MAGI2: variants seen among roughly 807,000 people sequenced by gnomAD.
MAGI2 encodes membrane associated guanylate kinase, WW and PDZ domain containing 2.
In MAGI2, 35 loss-of-function variants were observed where a neutral mutation model predicts 133.3. The observed-to-expected ratio is 0.26, with a 90% CI of 0.20 to 0.35. The LOEUF (loss-of-function observed/expected upper bound fraction) is 0.35, where lower values mean the gene tolerates loss of function less well. MAGI2 is among the 10% of genes least tolerant of loss of function. The pLI is 1.00. For synonymous variants in MAGI2, 729 were observed against 710.6 expected, an observed-to-expected ratio of 1.03 and a Z score of -0.41; for missense variants, 1,636 against 1,863.4, an observed-to-expected ratio of 0.88 and a Z score of 2.25.
Position 78,358,486 on chromosome 7 carries a change from T to A in MAGI2, c.1103+10670A>T, listed in dbSNP as rs892220563. On this transcript the variant is annotated intron_variant, in intron 7 of 21. Coordinates refer to ENST00000354212, the MANE Select transcript of MAGI2 (RefSeq NM_012301.4). ...TCTGCAAGCAGATGAGCACCAACCC[T>A]TCCCAAGGCCCACCCGCCCCGCCAT... 4 of 155,570 alleles carry A rather than the reference T, an allele frequency of 2.6e-5. No homozygotes were observed. The Admixed American group carries it at 2.6e-4, about 10-fold the overall frequency. The allele number at this position is 155,570 out of a possible 1,614,324, so 9.6% of individuals were successfully genotyped here. A position where few individuals can be genotyped will look rare whatever the true frequency, so the allele number is the denominator to read the frequency against.
intron 1 of MAGI2, among the ~76,000 whole-genome samples, chr7:79,404,959 G>T (rs535442219): frequency 1.6e-4 from 24 of 152,222 alleles, no homozygotes; most frequent in African/African-American, 5.5e-4. Flanking sequence ...GGTCATGCAG[G>T]CTCAGGTGCC....
chr7:78,664,699 G>A (rs975617214), intron 2 of MAGI2, among the ~76,000 whole-genome samples: 24 of 143,126 alleles, frequency 1.7e-4, no homozygotes, highest in Admixed American at 4.3e-4. Flanking sequence ...ATAAAAAATA[G>A]CAAAGTATAT....
chr7:78,275,946 A>T (rs148545601), intron 9 of MAGI2, among the ~76,000 whole-genome samples: 1 of 152,304 alleles, frequency 6.6e-6, no homozygotes, highest in East Asian at 1.9e-4. Context: ...TTACACAGAC[A>T]TGCTAACTTT....
intron 2 of MAGI2, among the ~76,000 whole-genome samples, chr7:78,997,632 C>T (rs1348749524): frequency 2.0e-5 from 3 of 150,564 alleles, no homozygotes; most frequent in East Asian, 2.0e-4. Flanking sequence ...AGGCAGGATC[C>T]ATGTGTATTT....
At chr7:78,318,222 T>C (rs1787629530) in intron 9 of MAGI2, among the ~76,000 whole-genome samples, 2 of 152,014 alleles carry the variant, frequency 1.3e-5, no homozygotes, top group African/African-American at 2.4e-5. Context: ...GCTAAGAACC[T>C]TGAAAAAAGG....
intron 6 of MAGI2, among the ~76,000 whole-genome samples, chr7:78,400,554 A>T (rs1016677149): frequency 7.2e-5 from 11 of 152,302 alleles, no homozygotes; most frequent in African/African-American, 2.4e-4. Context: ...ACAATTTTTT[A>T]ATAAAAGAAA....
At chr7:79,082,059 T>C (rs112036227) in intron 1 of MAGI2, among the ~76,000 whole-genome samples, 3 of 152,230 alleles carry the variant, frequency 2.0e-5, no homozygotes, top group African/African-American at 7.2e-5. Flanking sequence ...CATTTGTTAA[T>C]TGAGTTACAT....
At chr7:78,921,828 T>C (rs1799252352) in intron 2 of MAGI2, among the ~76,000 whole-genome samples, 1 of 152,136 alleles carries the variant, frequency 6.6e-6, no homozygotes, top group Admixed American at 6.6e-5. Context: ...GAGACAGGTT[T>C]CGCCATGTTG....
intron 10 of MAGI2, among the ~76,000 whole-genome samples, chr7:78,205,534 TG>T (rs1312368869): frequency 1.3e-5 from 2 of 152,200 alleles, no homozygotes; most frequent in African/African-American, 4.8e-5. Context: ...TTTTTTTGGA[TG>T]TAAGTATGTT....
At chr7:78,407,796 G>T (rs1054403180) in intron 6 of MAGI2, among the ~76,000 whole-genome samples, 1 of 151,778 alleles carries the variant, frequency 6.6e-6, no homozygotes, top group Non-Finnish European at 1.5e-5. Context: ...GTCAGGTCAG[G>T]GTGTCTCTTA....
intron 16 of MAGI2, among the ~76,000 whole-genome samples, chr7:78,149,477 A>G (rs560155139): frequency 1.8e-4 from 28 of 152,326 alleles, no homozygotes; most frequent in African/African-American, 6.5e-4. Context: ...TAGCACCAGG[A>G]AGCATCAATA....
At chr7:78,473,306 T>C (rs80157892) in intron 6 of MAGI2, among the ~76,000 whole-genome samples, 7,930 of 152,208 alleles carry the variant, frequency 0.052, 267 homozygotes, top group East Asian at 0.088. Context: ...GACCATCATA[T>C]GTAGGATAAT....
At chr7:78,736,484 TATTTTC>T (rs1400382869) in intron 2 of MAGI2, among the ~76,000 whole-genome samples, 1 of 152,204 alleles carries the variant, frequency 6.6e-6, no homozygotes, top group Non-Finnish European at 1.5e-5. Context: ...TCATTATTCT[TATTTTC>T]ATTAGTGAGG....
Position 79,453,308 on chromosome 7 carries a change from A to G in MAGI2, c.13T>C (p.Leu5=), listed in dbSNP as rs1485929195. Residue 5 remains leucine (L), a synonymous_variant, in exon 1 of 22, where the codon TTG becomes CTG. Transcript: ENST00000354212. ...CTAGTCCAGTGGCTTTTCTTTTTCA[A>G]GCTTTTGGACATGGCAGTGGGGCGA... is the stretch of plus-strand genomic sequence containing the variant. MSKS[L]KKKSHWTSKV... 6.2e-7 allele frequency: 1 copy of G among 1,610,552 alleles called. No individual in the cohort carries two copies. Among genetic ancestry groups the G allele is most frequent in the Non-Finnish European group, 8.5e-7 (1 of 1,178,146 alleles).
chr7:79,220,277 T>G (rs973521652), intron 1 of MAGI2, among the ~76,000 whole-genome samples: 2 of 152,062 alleles, frequency 1.3e-5, no homozygotes, highest in African/African-American at 4.8e-5. Flanking sequence ...GATCAGAACA[T>G]GTCTCATCTG....
At chr7:79,237,074 C>T (rs184637744) in intron 1 of MAGI2, among the ~76,000 whole-genome samples, 39 of 152,200 alleles carry the variant, frequency 2.6e-4, no homozygotes, top group Middle Eastern at 3.4e-3. Flanking sequence ...GAATAGACAG[C>T]TCTCAGTTTG....
chr7:78,441,599 C>T (rs1787638085), intron 6 of MAGI2, among the ~76,000 whole-genome samples: 1 of 151,070 alleles, frequency 6.6e-6, no homozygotes, highest in South Asian at 2.1e-4. Context: ...TGTGGTCCCT[C>T]TATTACAATT....
At chr7:79,358,984 A>T (rs1342178596) in intron 1 of MAGI2, among the ~76,000 whole-genome samples, 1 of 152,170 alleles carries the variant, frequency 6.6e-6, no homozygotes, top group African/African-American at 2.4e-5. Context: ...AGAACATAAA[A>T]TTTCACACCT....
At chr7:78,910,355 T>A (rs919110576) in intron 2 of MAGI2, among the ~76,000 whole-genome samples, 1 of 151,968 alleles carries the variant, frequency 6.6e-6, no homozygotes, top group South Asian at 2.1e-4. Flanking sequence ...TCCCCAATTC[T>A]TCACTTGGTA....
Sources: allele counts gnomAD v4.1 joint callset (sites outside exome capture counted in the v4.1 genomes callset), GRCh38; gene constraint gnomAD v4.1.1; transcripts MANE v1.5; gene names NCBI Gene and HGNC (gene_info 2026-07-23, HGNC 2026-07-21).